The following SAP30L variants were observed in gnomAD, a reference collection of about 807,000 sequenced individuals.
SAP30L encodes histone deacetylase complex subunit SAP30L.
In SAP30L, 10 loss-of-function variants were observed where a neutral mutation model predicts 22.3. The observed-to-expected ratio is 0.45, with a 90% CI of 0.28 to 0.76. The LOEUF (loss-of-function observed/expected upper bound fraction) is 0.76, where lower values mean the gene tolerates loss of function less well. Ranked by LOEUF, SAP30L falls within the 30% of genes least tolerant of loss-of-function variation. The pLI is 0.14. For missense variants in SAP30L, 206 were observed against 237.9 expected (o/e 0.87, Z 0.88); for synonymous variants, 91 against 94.1 (o/e 0.97, Z 0.19).
intron 2 of SAP30L, among the ~76,000 whole-genome samples, chr5:154,451,930 T>C (rs1189607701): frequency 1.3e-5 from 2 of 152,216 alleles, no homozygotes; most frequent in Non-Finnish European, 2.9e-5. Flanking sequence ...AAAATCGTCC[T>C]GTGTTGAGAA....
In SAP30L at chr5:154,456,916, T is replaced by C. The variant is rs1757276056; in HGVS notation, c.*888T>C. 1 of 152,204 alleles carries C rather than the reference T, an allele frequency of 6.6e-6. No individual in the cohort carries two copies. The highest frequency in any genetic ancestry group is 1.5e-5 in the Non-Finnish European group (1 of 68,032). The allele number at this position is 152,204 out of a possible 1,614,324, so 9.4% of individuals were successfully genotyped here. The stretch of plus-strand genomic sequence containing the variant: ...AAATGCATTGACACACTGACATATT[T>C]AGTAGGTTGGGGCAAGTATTTTTAG... On this transcript the variant is annotated 3_prime_UTR_variant, in exon 4 of 4. Coordinates refer to ENST00000297109, the MANE Select transcript of SAP30L (RefSeq NM_024632.6).
In SAP30L at chr5:154,446,657, C is replaced by A. The variant is rs1037907832; in HGVS notation, c.53C>A (p.Pro18Gln). The change falls in exon 1 of 4, where the codon CCA becomes CAA. Residue 18 changes from proline to glutamine, a missense_variant. By Grantham distance (76) the Pro-to-Gln change is moderately conservative (BLOSUM62 -1). This residue lies in a region of SAP30L where 70 missense variants were observed against 50.5 expected (regional missense o/e 1.39). Transcript: ENST00000297109. Reference protein sequence around the residue: ...EDSREGPPAAPAAAAPGYGQS... With the variant: ...EDSREGPPAAQAAAAPGYGQS... The stretch of plus-strand genomic sequence containing the variant: ...AGCCGCGAAGGGCCCCCCGCCGCCC[C>A]AGCTGCCGCCGCCCCGGGCTACGGC... The A allele has an allele frequency of 1.6e-5, 24 of 1,543,654 alleles. No homozygotes were observed. The highest frequency in any genetic ancestry group is 1.8e-5 in the Non-Finnish European group (21 of 1,148,124).
intron 1 of SAP30L, among the ~76,000 whole-genome samples, chr5:154,450,504 G>A (rs1242610320): frequency 3.3e-5 from 5 of 152,064 alleles, no homozygotes; most frequent in Non-Finnish European, 5.9e-5. Flanking sequence ...CATTCCAGTC[G>A]ACTATAAGTT....
chr5:154,446,622 G>C lies in SAP30L; in HGVS notation c.18G>C (p.Thr6=). MNGFS[T]EEDSREGPPA... ...GCGGGGAGATGAACGGCTTCAGCAC[G>C]GAGGAGGACAGCCGCGAAGGGCCCC... The change falls in exon 1 of 4, where the codon ACG becomes ACC. Residue 6 remains threonine, a synonymous_variant. Coordinates refer to ENST00000297109, the MANE Select transcript of SAP30L (RefSeq NM_024632.6). 2 of 1,513,558 alleles carry C rather than the reference G, an allele frequency of 1.3e-6. No individual in the cohort carries two copies. The allele number at this position is 1,513,558 out of a possible 1,614,324, so 93.8% of individuals were successfully genotyped here. A position where few individuals can be genotyped will look rare whatever the true frequency, so the allele number is the denominator to read the frequency against.
intron 2 of SAP30L, chr5:154,452,465 C>G (rs1425396043): frequency 5.1e-6 from 5 of 985,218 alleles, no homozygotes; most frequent in Non-Finnish European, 4.8e-6. Flanking sequence ...GTGCTCTCCA[C>G]CTGCCTGAAG....
At chr5:154,455,452 T>C (rs1757243871) in intron 3 of SAP30L, among the ~76,000 whole-genome samples, 1 of 152,028 alleles carries the variant, frequency 6.6e-6, no homozygotes, top group South Asian at 2.1e-4. Context: ...CAACTAATCC[T>C]CCCACCTTAA....
intron 2 of SAP30L, chr5:154,452,426 C>T (rs1757163526): frequency 4.1e-5 from 40 of 976,144 alleles, no homozygotes; most frequent in Non-Finnish European, 4.7e-5. Flanking sequence ...ACTTTGGCCC[C>T]TCATATTGAT....
At chr5:154,453,863 A>G (rs1175941415) in intron 3 of SAP30L, among the ~76,000 whole-genome samples, 1 of 152,118 alleles carries the variant, frequency 6.6e-6, no homozygotes, top group East Asian at 1.9e-4. Flanking sequence ...ATTTTGCTTT[A>G]TCACCCAGGC....
intron 3 of SAP30L, among the ~76,000 whole-genome samples, chr5:154,455,576 CCAG>C (rs1262460368): frequency 1.3e-5 from 2 of 152,228 alleles, no homozygotes; most frequent in Non-Finnish European, 2.9e-5. Flanking sequence ...AGCTGGCCAA[CCAG>C]AGCAGTCCCA....
Position 154,446,353 on chromosome 5 carries a change from C to T in SAP30L, c.-252C>T, listed in dbSNP as rs1441828254. ...GGCAGAAGGCTCCTCCGGGTGACCCCCGGCGGGGCCCTGCGAGCCGCGGGA... is the reference window on the plus strand; with the variant it reads ...GGCAGAAGGCTCCTCCGGGTGACCCTCGGCGGGGCCCTGCGAGCCGCGGGA... On this transcript the variant is annotated 5_prime_UTR_variant, in exon 1 of 4. Coordinates refer to ENST00000297109, the MANE Select transcript of SAP30L (RefSeq NM_024632.6). The T allele has an allele frequency of 1.1e-5, 4 of 380,240 alleles. No homozygotes were observed. The highest frequency in any genetic ancestry group is 9.6e-5 in the South Asian group (1 of 10,370). The allele number at this position is 380,240 out of a possible 1,614,324, so 23.6% of individuals were successfully genotyped here. A position where few individuals can be genotyped will look rare whatever the true frequency, so the allele number is the denominator to read the frequency against.
At position 154,460,480 on chromosome 5, in the gene SAP30L, A is replaced by G. The variant is rs1393674920; in HGVS notation, c.*4452A>G. The G allele has an allele frequency of 6.6e-6, 1 of 152,250 alleles. No homozygotes were observed. The highest frequency in any genetic ancestry group is 1.5e-5 in the Non-Finnish European group (1 of 68,042). 9.4% of individuals were successfully genotyped at this position (152,250 alleles called of 1,614,324 possible). ...AGCTCAAGATCATGCCTTGGGAAGC[A>G]TGGTGCTCTAGGGGTGCCTTTTTAT... On this transcript the variant is annotated 3_prime_UTR_variant, in exon 4 of 4. Coordinates refer to ENST00000297109, the MANE Select transcript of SAP30L (RefSeq NM_024632.6).
intron 1 of SAP30L, among the ~76,000 whole-genome samples, chr5:154,449,327 G>C (rs533790494): frequency 1.3e-5 from 2 of 152,160 alleles, no homozygotes; most frequent in Admixed American, 6.5e-5. Flanking sequence ...CATGTACTGG[G>C]GGGGCAGAAG....
In SAP30L at chr5:154,453,402, G is replaced by A; in HGVS notation, c.325G>A (p.Val109Ile). Residue 109 changes from valine (V) to isoleucine (I), a missense_variant and splice_region_variant, in exon 3 of 4, where the codon GTT (valine) becomes ATT (isoleucine). Val to Ile is a conservative substitution (Grantham distance 29, BLOSUM62 3). This residue lies in a region of SAP30L where 136 missense variants were observed against 187.4 expected (regional missense o/e 0.73). Transcript: ENST00000297109. The part of the protein sequence containing the change: ...SPEHDTDIPE[V>I]DLFQLQVNTL... The stretch of plus-strand genomic sequence containing the variant: ...AACATTTTTCTCCTCTTCTCCCTAG[G>A]TTGATCTGTTCCAGCTGCAGGTGAA... 1 of 1,612,542 alleles carries A rather than the reference G, an allele frequency of 6.2e-7. No individual in the cohort carries two copies. Among genetic ancestry groups the A allele is most frequent in the South Asian group, 1.1e-5 (1 of 91,038 alleles).
chr5:154,451,730 G>A (rs1464335477), intron 2 of SAP30L, among the ~76,000 whole-genome samples: 1 of 152,106 alleles, frequency 6.6e-6, no homozygotes. Context: ...AACTGGACCC[G>A]GTTTTCTCAA....
rs1347860794 is a variant in SAP30L at position 154,456,441 on chromosome 5, C to G, written c.*413C>G. 6.1e-6 allele frequency: 1 copy of G among 163,120 alleles called. No individual in the cohort carries two copies. The highest frequency in any genetic ancestry group is 1.3e-5 in the Non-Finnish European group (1 of 74,248). 10.1% of individuals were successfully genotyped at this position (163,120 alleles called of 1,614,324 possible). A position where few individuals can be genotyped will look rare whatever the true frequency, so the allele number is the denominator to read the frequency against. ...ATGAGCAGACCCACATCTGGACTTG[C>G]ATGCTGCCCGCTGGCGACATAGATA... is the stretch of plus-strand genomic sequence containing the variant. On this transcript the variant is annotated 3_prime_UTR_variant, in exon 4 of 4. Transcript: ENST00000297109.
At position 154,456,617 on chromosome 5, in the gene SAP30L, A is replaced by C. The variant is rs1025449832; in HGVS notation, c.*589A>C. On this transcript the variant is annotated 3_prime_UTR_variant, in exon 4 of 4. Transcript: ENST00000297109. ...TCACTAATAGTGCCAGCCTTGTAAC[A>C]TCCGCTTCACACCTCTCATGACTGA... is the stretch of plus-strand genomic sequence containing the variant. 5.3e-5 allele frequency: 8 copies of C among 152,364 alleles called. No individual in the cohort carries two copies. 9.4% of individuals were successfully genotyped at this position (152,364 alleles called of 1,614,324 possible).
Position 154,459,406 on chromosome 5 carries a change from A to G in SAP30L, c.*3378A>G, listed in dbSNP as rs575258139. 14 of 152,240 alleles carry G rather than the reference A, an allele frequency of 9.2e-5. No individual in the cohort carries two copies. Among genetic ancestry groups the G allele is most frequent in the Non-Finnish European group, 1.8e-4 (12 of 68,042 alleles). The allele number at this position is 152,240 out of a possible 1,614,324, so 9.4% of individuals were successfully genotyped here. On this transcript the variant is annotated 3_prime_UTR_variant, in exon 4 of 4. Transcript: ENST00000297109. The stretch of plus-strand genomic sequence containing the variant: ...CCTCTGGCTTTTCTATGTTCTCTGT[A>G]ATTTCCATCTTAGTCTCTGCCCCAT...
chr5:154,453,659 T>C (rs1255507482), intron 3 of SAP30L, among the ~76,000 whole-genome samples, 159 bp downstream of exon 3: 1 of 152,154 alleles, frequency 6.6e-6, no homozygotes, highest in African/African-American at 2.4e-5. Flanking sequence ...ACCCCACAGC[T>C]TTAGACCTGC....
chr5:154,446,730 G>A lies in SAP30L; in HGVS notation c.126G>A (p.Ala42=). 7 of 1,606,088 alleles carry A rather than the reference G, an allele frequency of 4.4e-6. No homozygotes were observed. The highest frequency in any genetic ancestry group is 5.9e-6 in the Non-Finnish European group (7 of 1,178,332). Residue 42 remains alanine (A), a synonymous_variant, in exon 1 of 4, where the codon GCG becomes GCA. Transcript: ENST00000297109. ...IEDGERCVRP[A]GNASFSKRVQ... ...ACGGCGAGCGCTGCGTCCGGCCCGC[G>A]GGCAACGCCTCCTTCAGCAAGAGGG...
Sources: allele counts gnomAD v4.1 joint callset (sites outside exome capture counted in the v4.1 genomes callset), GRCh38; gene constraint gnomAD v4.1.1; regional missense constraint gnomAD v4.1.1; transcripts MANE v1.5; gene names NCBI Gene and HGNC (gene_info 2026-07-23, HGNC 2026-07-21).